The following HOMER2 variants were observed in gnomAD, a reference collection of about 807,000 sequenced individuals.
The protein encoded by HOMER2 is homer protein homolog 2.
A neutral mutation model predicts 47.0 loss-of-function variants in HOMER2; 27 were observed. The ratio of observed to expected loss-of-function variants is 0.57; its 90% CI spans 0.42 to 0.79. The LOEUF (loss-of-function observed/expected upper bound fraction) is 0.79, where lower values mean the gene tolerates loss of function less well. HOMER2 is among the 30% of genes least tolerant of loss of function. HOMER2 has a pLI of 0.00. For missense variants in HOMER2, 443 were observed against 435.0 expected (o/e 1.02, Z -0.16); for synonymous variants, 161 against 163.8 (o/e 0.98, Z 0.13).
At chr15:82,925,009 C>T (rs898973942) in intron 1 of HOMER2, among the ~76,000 whole-genome samples, 4 of 152,200 alleles carry the variant, frequency 2.6e-5, no homozygotes, top group Non-Finnish European at 5.9e-5. Context: ...CCCCCTACCA[C>T]TATGTTTAGG....
At chr15:82,891,078 T>C (rs891875360) in intron 2 of HOMER2, among the ~76,000 whole-genome samples, 1 of 152,124 alleles carries the variant, frequency 6.6e-6, no homozygotes, top group South Asian at 2.1e-4. Context: ...CCTACTATCA[T>C]CCTGCTTGCT....
At chr15:82,955,159 C>CTT (rs1244635163), upstream of HOMER2, among the ~76,000 whole-genome samples, 2 of 148,720 alleles carry the variant, frequency 1.3e-5, no homozygotes, top group Non-Finnish European at 1.5e-5. Flanking sequence ...TTTTTACTTT[C>CTT]TTTTTCTTTT....
intron 1 of HOMER2, among the ~76,000 whole-genome samples, chr15:82,921,160 G>A (rs1444928448): frequency 6.6e-6 from 1 of 152,106 alleles, no homozygotes; most frequent in Non-Finnish European, 1.5e-5. Flanking sequence ...ACCAGGTGTG[G>A]TGGCACACAC....
intron 1 of HOMER2, among the ~76,000 whole-genome samples, chr15:82,908,150 G>A (rs1005339507): frequency 7.0e-6 from 1 of 142,656 alleles, no homozygotes; most frequent in African/African-American, 2.5e-5. Context: ...GACTTTCAGG[G>A]GGAATGAAAA....
At chr15:82,955,523 G>T (rs1322146639), upstream of HOMER2, among the ~76,000 whole-genome samples, 2 of 152,082 alleles carry the variant, frequency 1.3e-5, no homozygotes, top group Non-Finnish European at 2.9e-5. Context: ...GCATAATGTT[G>T]TTATTAGTGT....
rs1203128134 is a variant in HOMER2 at position 82,849,412 on chromosome 15, T to C, written c.*303A>G. Reference sequence around the variant, plus strand: ...AAAATGCGTGTTTTTTCAGTTCATATGGTTGCAACAGCCCTTATGAAAGAT... The same window carrying C: ...AAAATGCGTGTTTTTTCAGTTCATACGGTTGCAACAGCCCTTATGAAAGAT... On this transcript the variant is annotated 3_prime_UTR_variant, in exon 9 of 9. Coordinates refer to ENST00000450735, the MANE Select transcript of HOMER2 (RefSeq NM_004839.4). 14 of 339,036 alleles carry C rather than the reference T, an allele frequency of 4.1e-5. No individual in the cohort carries two copies. The Admixed American group carries it at 6.0e-4, about 14-fold the overall frequency. The allele number at this position is 339,036 out of a possible 1,614,324, so 21.0% of individuals were successfully genotyped here.
At chr15:82,915,399 T>G (rs2053559520) in intron 1 of HOMER2, among the ~76,000 whole-genome samples, 1 of 152,086 alleles carries the variant, frequency 6.6e-6, no homozygotes, top group South Asian at 2.1e-4. Context: ...GGAGGCAATT[T>G]ATCATCACAC....
intron 1 of HOMER2, among the ~76,000 whole-genome samples, chr15:82,916,631 C>A (rs1363636327): frequency 6.6e-6 from 1 of 152,134 alleles, no homozygotes; most frequent in Non-Finnish European, 1.5e-5. Flanking sequence ...TGTGAGGGTG[C>A]TCCAAACACC....
intron 1 of HOMER2, among the ~76,000 whole-genome samples, chr15:82,940,708 G>A (rs922844995): frequency 1.4e-4 from 21 of 152,122 alleles, no homozygotes; most frequent in African/African-American, 4.3e-4. Flanking sequence ...ACTCTAGCCT[G>A]GGTGACAGAA....
rs2051385249 is a variant in HOMER2 at position 82,851,246 on chromosome 15, T to A, written c.763-15A>T. On this transcript the variant is annotated splice_polypyrimidine_tract_variant and intron_variant, in intron 7 of 8. Transcript: ENST00000450735. ...TCTTTCAGCTCCTACATGAAAAAAA[T>A]TTGAGATAGAACATGAAAGCAAGTC... is the stretch of plus-strand genomic sequence containing the variant. 6.6e-7 allele frequency: 1 copy of A among 1,517,098 alleles called. No homozygotes were observed. The highest frequency in any genetic ancestry group is 9.0e-7 in the Non-Finnish European group (1 of 1,114,262). The allele number at this position is 1,517,098 out of a possible 1,614,324, so 94.0% of individuals were successfully genotyped here.
exon 2 of HOMER2, chr15:82,836,987 G>A (rs1047998673): frequency 2.0e-5 from 3 of 152,404 alleles, no homozygotes; most frequent in African/African-American, 7.2e-5. Context: ...TCCATAGTCA[G>A]AAGTCTGACA....
At position 82,906,486 on chromosome 15, in the gene HOMER2, G is replaced by A. The variant is rs540434809; in HGVS notation, c.6-13645C>T. 4.0e-5 allele frequency among the ~76,000 whole-genome samples: 6 copies of A among 150,952 alleles called. No homozygotes were observed. The South Asian group carries it at 1.3e-3, about 32-fold the overall frequency. ...TTGCTCTTGTTGCCCAGGCTGGAGTGCAATGGCTCAATCTCGGCTCACTGC... is the reference window on the plus strand; with the variant it reads ...TTGCTCTTGTTGCCCAGGCTGGAGTACAATGGCTCAATCTCGGCTCACTGC... On this transcript the variant is annotated intron_variant, in intron 1 of 8. Coordinates refer to ENST00000450735, the MANE Select transcript of HOMER2 (RefSeq NM_004839.4).
intron 3 of HOMER2, among the ~76,000 whole-genome samples, chr15:82,872,120 G>A (rs561679831): frequency 1.4e-4 from 22 of 152,280 alleles, no homozygotes; most frequent in Non-Finnish European, 2.6e-4. Flanking sequence ...CGGCTGAGGG[G>A]AAGGGAGTTC....
At chr15:82,856,745 C>T (rs1377648813) in intron 5 of HOMER2, among the ~76,000 whole-genome samples, 1 of 152,222 alleles carries the variant, frequency 6.6e-6, no homozygotes, top group African/African-American at 2.4e-5. Flanking sequence ...GGGGTTGGAT[C>T]TAAGGGTCAC....
Position 82,978,074 on chromosome 15 carries a change from C to T in HOMER2, n.82+7713G>A, listed in dbSNP as rs180894595. On this transcript the variant is annotated intron_variant and non_coding_transcript_variant, in intron 1 of 1. Transcript: ENST00000500334. ...CTGAGGCAGGAAAATCGCTTGAACC[C>T]GGGAGGCAGAGGTTATGGCGAGTCG... 1.1e-3 allele frequency among the ~76,000 whole-genome samples: 170 copies of T among 152,222 alleles called. 1 individual carries two copies. In the Middle Eastern group the frequency reaches 0.014, roughly 12 times the overall value.
rs138577739 is a variant in HOMER2, at chr15:82,859,380, C to G, written c.388-245G>C. On this transcript the variant is annotated intron_variant, in intron 4 of 8. Transcript: ENST00000450735. ...AGACTATCATGACCAAAGAAAAAGG[C>G]ACTGAAGAGACCATGTGGAGTTCAT... Among the ~76,000 whole-genome samples, 173 of 151,872 alleles carry G rather than the reference C, an allele frequency of 1.1e-3. 2 individuals are homozygous for G. The highest frequency in any genetic ancestry group is 4.1e-3 in the African/African-American group (170 of 41,392).
chr15:82,934,424 A>C (rs2054092350), intron 1 of HOMER2, among the ~76,000 whole-genome samples: 1 of 151,994 alleles, frequency 6.6e-6, no homozygotes. Context: ...CCTCACCCAC[A>C]GCCATACCCT....
chr15:82,854,143 G>A (rs752943706), intron 6 of HOMER2, among the ~76,000 whole-genome samples: 2 of 152,192 alleles, frequency 1.3e-5, no homozygotes, highest in African/African-American at 2.4e-5. Flanking sequence ...AGTGGTTCAC[G>A]CCTGTAATCC....
chr15:82,864,296 C>A, intron 3 of HOMER2, 37 bp from the exon 4 acceptor site: 17 of 1,432,434 alleles, frequency 1.2e-5, no homozygotes, highest in Non-Finnish European at 1.6e-5. Flanking sequence ...CTTTTATTAA[C>A]CTCACTCATG....
Sources: gnomAD v4.1 joint callset for allele counts (sites outside exome capture counted in the v4.1 genomes callset) on GRCh38, gnomAD v4.1.1 for gene constraint, MANE v1.5 for transcripts, NCBI Gene and HGNC (gene_info 2026-07-23, HGNC 2026-07-21) for gene names.